HACL1: variants seen among roughly 807,000 people sequenced by gnomAD.
HACL1 encodes the protein 1600020H07Rik.
Under a neutral mutation model 74.2 loss-of-function variants are expected in HACL1, and 64 were observed. The observed-to-expected ratio is 0.86, with a 90% confidence interval of 0.70 to 1.06. The LOEUF (loss-of-function observed/expected upper bound fraction) is 1.06, where lower values mean the gene tolerates loss of function less well. Among genes scored for constraint, HACL1 ranks in the 50% least tolerant of loss-of-function variants. The pLI, the probability that HACL1 is intolerant of heterozygous loss-of-function variation, is 0.00. For synonymous variants in HACL1, 230 were observed against 238.8 expected (o/e 0.96, Z 0.34); for missense variants, 728 against 719.7 (o/e 1.01, Z -0.13).
chr3:15,591,839 C>G (rs1364672435), intron 3 of HACL1, among the ~76,000 whole-genome samples, 159 bp from the exon 4 acceptor site: 1 of 150,886 alleles, frequency 6.6e-6, no homozygotes, highest in Non-Finnish European at 1.5e-5. Flanking sequence ...AATTAAAAAA[C>G]AAGGCGATAT....
At chr3:15,567,206 CTTT>C (rs34317560) in intron 14 of HACL1, among the ~76,000 whole-genome samples, 3 of 81,124 alleles carry the variant, frequency 3.7e-5, no homozygotes, top group Non-Finnish European at 7.2e-5. Context: ...GCCATGCTGC[CTTT>C]TTTTTTTTTT....
At position 15,561,520 on chromosome 3, in the gene HACL1, G is replaced by A. The variant is rs376483792; in HGVS notation, c.1705-623C>T. ...ATAGAATTGTAAAAGAGGAAGACGA[G>A]AACTCATATTTCTCCAGCAATATCC... On this transcript the variant is annotated intron_variant, in intron 16 of 16. Coordinates refer to ENST00000321169, the MANE Select transcript of HACL1 (RefSeq NM_012260.4). Among the ~76,000 whole-genome samples the A allele has an allele frequency of 4.3e-4, 65 of 152,256 alleles. No homozygotes were observed. The South Asian group carries it at 0.013, about 32-fold the overall frequency.
intron 2 of HACL1, chr3:15,600,817 G>A: frequency 1.8e-6 from 1 of 542,646 alleles, no homozygotes; most frequent in Non-Finnish European, 3.3e-6. Flanking sequence ...ATACAGTATA[G>A]TAGTAAGAGA....
At chr3:15,591,734 T>A in intron 3 of HACL1, 54 bp from the exon 4 acceptor site, 1 of 1,160,874 alleles carries the variant, frequency 8.6e-7, no homozygotes, top group Non-Finnish European at 1.3e-6. Flanking sequence ...AACTGATTCA[T>A]AACACTTTAG....
chr3:15,560,977 A>G, intron 16 of HACL1, 80 bp from the exon 17 acceptor site: 1 of 1,129,498 alleles, frequency 8.9e-7, no homozygotes, highest in Non-Finnish European at 1.3e-6. Flanking sequence ...ACTTGTTCTA[A>G]AACCTAAAAG....
At chr3:15,587,887 G>A (rs1365810163) in intron 5 of HACL1, among the ~76,000 whole-genome samples, 1 of 152,014 alleles carries the variant, frequency 6.6e-6, no homozygotes, top group African/African-American at 2.4e-5. Context: ...TTTGTCTAAT[G>A]ATTTTATTTA....
intron 14 of HACL1, among the ~76,000 whole-genome samples, chr3:15,567,527 T>C (rs963906451): frequency 6.7e-6 from 1 of 149,862 alleles, no homozygotes; most frequent in Non-Finnish European, 1.5e-5. Context: ...GCAGAAGCCA[T>C]GCTCTTCAAC....
At position 15,579,965 on chromosome 3, in the gene HACL1, C is replaced by T. The variant is rs1244926772; in HGVS notation, c.748G>A (p.Gly250Arg). ...YKLPFLPTPM[G>R]KGVVPDNHPY... ...TGGTTGTCAGGGACAACACCCTTCC[C>T]CATAGGGGTGGGCAAAAATGGCAGT... The change falls in exon 9 of 17, where the codon GGG becomes AGG. Residue 250 changes from glycine to arginine, a missense_variant. Gly to Arg is a moderately radical substitution (Grantham distance 125, BLOSUM62 -2). Transcript: ENST00000321169. 6.2e-7 allele frequency: 1 copy of T among 1,610,778 alleles called. No individual in the cohort carries two copies. The highest frequency in any genetic ancestry group is 1.3e-5 in the African/African-American group (1 of 74,848).
At chr3:15,593,796 C>T (rs200321295) in intron 3 of HACL1, among the ~76,000 whole-genome samples, 289 of 110,686 alleles carry the variant, frequency 2.6e-3, no homozygotes, top group Middle Eastern at 9.6e-3. Context: ...TTTTTTTTGT[C>T]TTTTTTTTTT....
chr3:15,567,821 T>A (rs2063462760), intron 14 of HACL1, 23 bp downstream of exon 14: 2 of 1,603,652 alleles, frequency 1.2e-6, no homozygotes, highest in Middle Eastern at 1.7e-4. Context: ...AATCAAATGC[T>A]CTGATTCAGG....
intron 2 of HACL1, among the ~76,000 whole-genome samples, chr3:15,598,595 G>A (rs977885042): frequency 1.3e-5 from 2 of 152,212 alleles, no homozygotes; most frequent in Non-Finnish European, 1.5e-5. Context: ...CACACAGTAA[G>A]CTCTCAAGAA....
Position 15,591,676 on chromosome 3 carries a change from C to T in HACL1, c.232G>A (p.Gly78Arg). The T allele has an allele frequency of 6.2e-7, 1 of 1,608,348 alleles. No homozygotes were observed. Among genetic ancestry groups the T allele is most frequent in the Non-Finnish European group, 8.5e-7 (1 of 1,175,440 alleles). ...SAIGYLTSRP[G>R]VCLVVSGPGL... ...GGGCCAGAAACAACAAGGCAGACTC[C>T]TGGCCTAAAAGCAAAACAGAATTTA... The change falls in exon 4 of 17, where the codon GGA (glycine) becomes AGA (arginine). Residue 78 changes from glycine to arginine, a missense_variant. Gly to Arg is a moderately radical substitution (Grantham distance 125). Coordinates refer to ENST00000321169, the MANE Select transcript of HACL1 (RefSeq NM_012260.4).
intron 5 of HACL1, 145 bp downstream of exon 5, chr3:15,589,395 G>A: frequency 1.9e-6 from 1 of 539,288 alleles, no homozygotes; most frequent in East Asian, 3.1e-5. Context: ...TGCTTGGGAG[G>A]CTGAGGTGGG....
At chr3:15,566,815 CTTTTTTT>C (rs1156234795) in intron 14 of HACL1, among the ~76,000 whole-genome samples, 3 of 92,464 alleles carry the variant, frequency 3.2e-5, no homozygotes, top group African/African-American at 4.5e-5. Context: ...GGTTAAGTGA[CTTTTTTT>C]TTTTTTTTTT....
At chr3:15,597,085 T>C (rs993266059) in intron 2 of HACL1, among the ~76,000 whole-genome samples, 3 of 152,224 alleles carry the variant, frequency 2.0e-5, no homozygotes, top group East Asian at 3.8e-4. Flanking sequence ...CTTCAACCCA[T>C]TGGTTAATTA....
At chr3:15,568,299 T>A (rs2125232068) in intron 13 of HACL1, 133 bp downstream of exon 13, 1 of 651,340 alleles carries the variant, frequency 1.5e-6, no homozygotes, top group African/African-American at 1.8e-5. Context: ...CACCTAAGGA[T>A]ACTTTTATGA....
chr3:15,585,050 A>G (rs1180375780), intron 7 of HACL1, among the ~76,000 whole-genome samples, 198 bp downstream of exon 7: 1 of 152,224 alleles, frequency 6.6e-6, no homozygotes, highest in African/African-American at 2.4e-5. Context: ...TTTAGTAATT[A>G]AATCCATAAA....
chr3:15,573,493 C>G (rs1325258238), intron 10 of HACL1, among the ~76,000 whole-genome samples: 1 of 152,254 alleles, frequency 6.6e-6, no homozygotes, highest in African/African-American at 2.4e-5. Context: ...CTTCATTATA[C>G]CCATAGGGAA....
chr3:15,579,950 G>C lies in HACL1; in HGVS notation c.763C>G (p.Pro255Ala). 2 of 1,610,728 alleles carry C rather than the reference G, an allele frequency of 1.2e-6. No individual in the cohort carries two copies. The highest frequency in any genetic ancestry group is 8.5e-7 in the Non-Finnish European group (1 of 1,177,148). Residue 255 changes from proline (P) to alanine (A), a missense_variant, in exon 9 of 17, where the codon CCT (proline) becomes GCT (alanine). Transcript: ENST00000321169. ...CCTACACAGTATGGATGGTTGTCAG[G>C]GACAACACCCTTCCCCATAGGGGTG... Reference protein sequence around the residue: ...LPTPMGKGVVPDNHPYCVGAA... With the variant: ...LPTPMGKGVVADNHPYCVGAA...
Sources: allele counts gnomAD v4.1 joint callset (sites outside exome capture counted in the v4.1 genomes callset), GRCh38; gene constraint gnomAD v4.1.1; transcripts MANE v1.5; gene names NCBI Gene and HGNC (gene_info 2026-07-23, HGNC 2026-07-21).